CHODL: variants seen among roughly 807,000 people sequenced by gnomAD.
CHODL encodes the protein transmembrane protein MT75.
In CHODL, 29 loss-of-function variants were observed where a neutral mutation model predicts 34.5. That is an observed-to-expected ratio of 0.84 (90% CI 0.63 to 1.15). The LOEUF is 1.15. CHODL is among the 50% of genes most tolerant of loss of function. The pLI, the probability that CHODL is intolerant of heterozygous loss-of-function variation, is 0.00. For missense variants in CHODL, 332 were observed against 332.5 expected (o/e 1.00, Z 0.01); for synonymous variants, 125 against 116.1 (o/e 1.08, Z -0.49).
At chr21:17,917,692 C>T (rs1291508782) in intron 1 of CHODL, among the ~76,000 whole-genome samples, 1 of 152,124 alleles carries the variant, frequency 6.6e-6, no homozygotes, top group African/African-American at 2.4e-5. Flanking sequence ...TTGGCCAAAC[C>T]CAACAGAAGC....
intron 2 of CHODL, among the ~76,000 whole-genome samples, chr21:18,207,849 T>G (rs112365968): frequency 6.3e-4 from 96 of 152,086 alleles, no homozygotes; most frequent in Middle Eastern, 3.4e-3. Context: ...TTTTATTTTA[T>G]TTGTTTCTTT....
At chr21:18,159,845 G>T (rs2073075899) in intron 2 of CHODL, among the ~76,000 whole-genome samples, 1 of 152,004 alleles carries the variant, frequency 6.6e-6, no homozygotes, top group African/African-American at 2.4e-5. Context: ...TGTTGGCTTT[G>T]AAGACAGAGG....
rs8129201 is a variant in CHODL at position 18,227,996 on chromosome 21, C to T, written c.-44-28513C>T. ...CAATAATAAGTTGGCTATGGTTGGA[C>T]CACACTAATTTTTCAGTTTTTTATC... On this transcript the variant is annotated intron_variant, in intron 2 of 6. Transcript: ENST00000400127. Among the ~76,000 whole-genome samples, 627 of 152,172 alleles carry T rather than the reference C, an allele frequency of 4.1e-3. 3 individuals are homozygous for T. Among genetic ancestry groups the T allele is most frequent in the African/African-American group, 0.014 (592 of 41,544 alleles).
intron 2 of CHODL, among the ~76,000 whole-genome samples, chr21:18,062,221 G>C (rs1369913426): frequency 6.6e-6 from 1 of 152,058 alleles, no homozygotes; most frequent in East Asian, 1.9e-4. Context: ...ACCTTAATTT[G>C]AGTATTGCTG....
intron 1 of CHODL, among the ~76,000 whole-genome samples, chr21:17,926,373 TGG>T (rs66675292): frequency 4.2e-4 from 55 of 132,122 alleles, no homozygotes; most frequent in African/African-American, 1.6e-3. Flanking sequence ...ATAAATAAGG[TGG>T]GTTTTTTTTT....
chr21:18,111,395 C>A (rs1056714679), intron 2 of CHODL, among the ~76,000 whole-genome samples: 3 of 152,256 alleles, frequency 2.0e-5, no homozygotes, highest in Admixed American at 6.5e-5. Flanking sequence ...TACTTACATG[C>A]CAAATCTCAA....
intron 5 of CHODL, among the ~76,000 whole-genome samples, chr21:18,264,533 C>G (rs923704581): frequency 7.3e-6 from 1 of 137,700 alleles, no homozygotes; most frequent in South Asian, 2.4e-4. Flanking sequence ...ACCGGGGAGG[C>G]GGAGGTTGCA....
chr21:18,189,218 G>A (rs1389866826), intron 2 of CHODL, among the ~76,000 whole-genome samples: 6 of 152,034 alleles, frequency 3.9e-5, no homozygotes, highest in South Asian at 4.2e-4. Context: ...TCAGTGTAGC[G>A]GAATCCCTTA....
chr21:18,024,876 G>T (rs923993790), intron 1 of CHODL: 6 of 152,072 alleles, frequency 3.9e-5, no homozygotes. Context: ...TCGACCCAGA[G>T]AATTTTATAT....
At chr21:18,224,920 G>A (rs757922130) in intron 2 of CHODL, among the ~76,000 whole-genome samples, 2 of 151,964 alleles carry the variant, frequency 1.3e-5, no homozygotes, top group Admixed American at 1.3e-4. Flanking sequence ...AGGGAGGCTG[G>A]TATTATTCAT....
chr21:17,945,585 A>G lies in CHODL; in HGVS notation c.-145+28185A>G, dbSNP rs1455323600. 7.2e-5 allele frequency among the ~76,000 whole-genome samples: 11 copies of G among 152,180 alleles called. 1 individual carries two copies. ...AGTTAAAGAATGAAAAAGAATGACA[A>G]AAGTCTATGGGAATTATGGAATTCA... On this transcript the variant is annotated intron_variant, in intron 1 of 6. Transcript: ENST00000400127.
chr21:18,045,577 T>C (rs1204583528), intron 2 of CHODL, among the ~76,000 whole-genome samples: 1 of 151,948 alleles, frequency 6.6e-6, no homozygotes, highest in Non-Finnish European at 1.5e-5. Context: ...TGTGACACCT[T>C]ATTTCAAGTT....
At position 18,232,941 on chromosome 21, in the gene CHODL, TGATATA is replaced by T. The variant is rs1227457202; in HGVS notation, c.-44-23567_-44-23562del. On this transcript the variant is annotated intron_variant, in intron 2 of 6. Transcript: ENST00000400127. The stretch of plus-strand genomic sequence containing the variant: ...TAATTATGGGGTCCACATGATGTTA[TGATATA>T]TATATATATATATATATATATATAT... 6.0e-3 allele frequency among the ~76,000 whole-genome samples: 585 copies of T among 97,604 alleles called. 17 individuals carry two copies. Among genetic ancestry groups the T allele is most frequent in the African/African-American group, 0.024 (456 of 18,808 alleles). The allele number at this position is 97,604 out of a possible 152,430, so 64.0% of individuals were successfully genotyped here.
At chr21:17,934,008 G>C (rs2063298700) in intron 1 of CHODL, among the ~76,000 whole-genome samples, 2 of 150,586 alleles carry the variant, frequency 1.3e-5, no homozygotes, top group South Asian at 4.2e-4. Flanking sequence ...CTGCACTCCA[G>C]TCTAAGTAAC....
In CHODL at chr21:18,266,224, T is replaced by C. The variant is rs2074460640; in HGVS notation, c.*186T>C. On this transcript the variant is annotated 3_prime_UTR_variant, in exon 6 of 6. Transcript: ENST00000299295. Reference sequence around the variant, plus strand: ...ATTTCATTTAAAGAATATGCTGTGCTAATAATGGAGTGAGACATGCTTATT... The same window carrying C: ...ATTTCATTTAAAGAATATGCTGTGCCAATAATGGAGTGAGACATGCTTATT... 1 of 1,513,110 alleles carries C rather than the reference T, an allele frequency of 6.6e-7. No homozygotes were observed. Among genetic ancestry groups the C allele is most frequent in the Admixed American group, 2.1e-5 (1 of 46,568 alleles). The allele number at this position is 1,513,110 out of a possible 1,614,324, so 93.7% of individuals were successfully genotyped here.
intron 2 of CHODL, among the ~76,000 whole-genome samples, chr21:18,096,560 A>G (rs1349248973): frequency 6.6e-6 from 1 of 152,156 alleles, no homozygotes; most frequent in East Asian, 1.9e-4. Context: ...GGGATGAAAT[A>G]TGCCCTGGTC....
intron 1 of CHODL, among the ~76,000 whole-genome samples, chr21:18,252,359 G>A (rs1027581271): frequency 6.6e-6 from 1 of 152,116 alleles, no homozygotes; most frequent in African/African-American, 2.4e-5. Flanking sequence ...AGAATGAGAC[G>A]AGAGGTAATT....
chr21:18,141,556 T>A (rs1293602422), intron 2 of CHODL, among the ~76,000 whole-genome samples: 1 of 151,910 alleles, frequency 6.6e-6, no homozygotes, highest in Admixed American at 6.6e-5. Context: ...TGATGAAATT[T>A]TGCTGGAAAC....
chr21:18,197,577 C>T (rs1037661859), intron 2 of CHODL, among the ~76,000 whole-genome samples: 51 of 152,184 alleles, frequency 3.4e-4, no homozygotes, highest in African/African-American at 1.1e-3. Context: ...GATTGCACCA[C>T]TGCACTCAAC....
Sources: allele counts gnomAD v4.1 joint callset (sites outside exome capture counted in the v4.1 genomes callset), GRCh38; gene constraint gnomAD v4.1.1; transcripts MANE v1.5; gene names NCBI Gene and HGNC (gene_info 2026-07-23, HGNC 2026-07-21).